Variants in DPP10 observed in about 807,000 individuals in gnomAD.
The protein encoded by DPP10 is dipeptidyl peptidase like 10, also known as inactive dipeptidyl peptidase 10.
Under a neutral mutation model 120.9 loss-of-function variants are expected in DPP10, and 33 were observed. The observed-to-expected ratio is 0.27, with a 90% CI of 0.21 to 0.37. The LOEUF is 0.37. Among genes scored for constraint, DPP10 ranks in the 10% least tolerant of loss-of-function variants. The pLI, the probability that DPP10 is intolerant of heterozygous loss-of-function variation, is 1.00. For synonymous variants in DPP10, 337 were observed against 326.1 expected, an observed-to-expected ratio of 1.03 and a Z score of -0.36; for missense variants, 816 against 942.8, an observed-to-expected ratio of 0.87 and a Z score of 1.76.
chr2:114,469,612 T>C (rs1679735010), intron 1 of DPP10, among the ~76,000 whole-genome samples: 1 of 151,876 alleles, frequency 6.6e-6, no homozygotes, highest in African/African-American at 2.4e-5. Context: ...CCTGTAATCC[T>C]AGCTAGTCAG....
At chr2:115,146,971 A>G (rs543749383) in intron 1 of DPP10, among the ~76,000 whole-genome samples, 11 of 152,220 alleles carry the variant, frequency 7.2e-5, no homozygotes, top group African/African-American at 2.4e-4. Context: ...CACCCAGTTT[A>G]TGACATTTTT....
chr2:114,851,774 T>C (rs1196011543), intron 1 of DPP10, among the ~76,000 whole-genome samples: 1 of 152,136 alleles, frequency 6.6e-6, no homozygotes, highest in African/African-American at 2.4e-5. Flanking sequence ...AAAAAGCACA[T>C]CCTCATCTCC....
At chr2:115,162,408 C>T (rs2052475114) in intron 1 of DPP10, 2 of 1,257,390 alleles carry the variant, frequency 1.6e-6, no homozygotes, top group African/African-American at 1.6e-5. Context: ...TCCTGACGGC[C>T]GCTCACCGGG....
At chr2:115,020,407 A>C (rs886664026) in intron 1 of DPP10, among the ~76,000 whole-genome samples, 7 of 152,206 alleles carry the variant, frequency 4.6e-5, no homozygotes, top group African/African-American at 1.7e-4. Flanking sequence ...CAGTTTAAAA[A>C]GACAAAGAGG....
At chr2:114,560,604 C>G (rs1451346986) in intron 1 of DPP10, among the ~76,000 whole-genome samples, 1 of 152,136 alleles carries the variant, frequency 6.6e-6, no homozygotes, top group African/African-American at 2.4e-5. Context: ...TATAGGCCAG[C>G]CAGGCTTCCC....
At chr2:114,775,389 G>A (rs543108402) in intron 1 of DPP10, among the ~76,000 whole-genome samples, 34 of 152,248 alleles carry the variant, frequency 2.2e-4, no homozygotes, top group Middle Eastern at 3.4e-3. Context: ...ATTCTAAAAG[G>A]GAGTTTGTGG....
intron 1 of DPP10, among the ~76,000 whole-genome samples, chr2:115,027,094 C>T (rs547467555): frequency 5.9e-4 from 90 of 151,962 alleles, no homozygotes; most frequent in Non-Finnish European, 9.3e-4. Flanking sequence ...ATATTGTAAA[C>T]GGGATTGCTT....
intron 1 of DPP10, among the ~76,000 whole-genome samples, chr2:114,568,238 T>C (rs1409372990): frequency 6.6e-6 from 1 of 152,126 alleles, no homozygotes; most frequent in Non-Finnish European, 1.5e-5. Context: ...ATAGAATGTA[T>C]GATGATCAAG....
At chr2:115,123,585 A>G (rs1260386644) in intron 1 of DPP10, among the ~76,000 whole-genome samples, 1 of 152,152 alleles carries the variant, frequency 6.6e-6, no homozygotes, top group Non-Finnish European at 1.5e-5. Flanking sequence ...CCAAATCCTG[A>G]GAGCTTATCA....
intron 1 of DPP10, among the ~76,000 whole-genome samples, chr2:114,486,566 A>G (rs966110156): frequency 2.0e-5 from 3 of 152,066 alleles, no homozygotes; most frequent in African/African-American, 2.4e-5. Flanking sequence ...GGATATAAGG[A>G]GTGTGTATAT....
intron 5 of DPP10, among the ~76,000 whole-genome samples, chr2:115,550,829 A>G (rs752061354): frequency 6.6e-5 from 10 of 152,142 alleles, no homozygotes; most frequent in Admixed American, 1.3e-4. Context: ...TCATTTTGCC[A>G]AAAGAGATAT....
intron 3 of DPP10, among the ~76,000 whole-genome samples, chr2:115,402,875 A>ATATATATATATG (rs1167991546): frequency 7.2e-5 from 9 of 125,232 alleles, no homozygotes; most frequent in South Asian, 2.5e-4. Flanking sequence ...ATATATATAT[A>ATATATATATATG]TGTGTGTGTG....
intron 1 of DPP10, among the ~76,000 whole-genome samples, chr2:114,899,947 G>A (rs1339913251): frequency 6.6e-6 from 1 of 152,176 alleles, no homozygotes; most frequent in East Asian, 1.9e-4. Flanking sequence ...GTGACAGAGC[G>A]AGACTCCGTC....
At chr2:115,408,418 G>A (rs2068692609) in intron 3 of DPP10, among the ~76,000 whole-genome samples, 1 of 152,030 alleles carries the variant, frequency 6.6e-6, no homozygotes. Context: ...CTTGAAGGTG[G>A]GCTTTTGCTG....
rs143592270 is a variant in DPP10, at chr2:115,073,952, G to T, written c.61-235287G>T. On this transcript the variant is annotated intron_variant, in intron 1 of 25. Coordinates refer to ENST00000410059, the MANE Select transcript of DPP10 (RefSeq NM_020868.6). ...ATCACATGAGCCTGTTCTCTATTTGGCTGTATCTCTGTAAAGAGTGAGAAG... is the reference window on the plus strand; with the variant it reads ...ATCACATGAGCCTGTTCTCTATTTGTCTGTATCTCTGTAAAGAGTGAGAAG... 1.1e-4 allele frequency among the ~76,000 whole-genome samples: 17 copies of T among 152,294 alleles called. No homozygotes were observed. The East Asian group carries it at 3.1e-3, about 28-fold the overall frequency.
At chr2:115,747,000 C>T (rs369142577) in intron 10 of DPP10, among the ~76,000 whole-genome samples, 67 of 152,224 alleles carry the variant, frequency 4.4e-4, no homozygotes, top group East Asian at 2.9e-3. Flanking sequence ...GTTTCATTGA[C>T]ATTATTTAGA....
intron 3 of DPP10, among the ~76,000 whole-genome samples, chr2:115,399,538 A>T (rs2104467546): frequency 6.6e-6 from 1 of 152,296 alleles, no homozygotes; most frequent in Non-Finnish European, 1.5e-5. Flanking sequence ...TTTAGCCCGA[A>T]TTATTAAAAA....
chr2:115,040,594 G>T (rs976374037), intron 1 of DPP10, among the ~76,000 whole-genome samples: 1 of 151,540 alleles, frequency 6.6e-6, no homozygotes, highest in African/African-American at 2.4e-5. Context: ...CTGTATCCCT[G>T]CCCAAATCTC....
At chr2:115,013,402 C>G (rs1558991302) in intron 1 of DPP10, among the ~76,000 whole-genome samples, 1 of 152,058 alleles carries the variant, frequency 6.6e-6, no homozygotes, top group Non-Finnish European at 1.5e-5. Flanking sequence ...GGTAACCCAG[C>G]CTTTCTCTCT....
Sources: gnomAD v4.1 joint callset for allele counts (sites outside exome capture counted in the v4.1 genomes callset) on GRCh38, gnomAD v4.1.1 for gene constraint, MANE v1.5 for transcripts, NCBI Gene and HGNC (gene_info 2026-07-23, HGNC 2026-07-21) for gene names.